KCTD13: variants seen among roughly 807,000 people sequenced by gnomAD.
The protein encoded by KCTD13 is potassium channel tetramerization domain containing 13, also known as BTB/POZ domain-containing adapter for CUL3-mediated RhoA degradation protein 1.
A neutral mutation model predicts 32.3 loss-of-function variants in KCTD13; 15 were observed. The ratio of observed to expected loss-of-function variants is 0.46; its 90% CI spans 0.31 to 0.71. The LOEUF is 0.71. Among genes scored for constraint, KCTD13 ranks in the 30% least tolerant of loss-of-function variants. KCTD13 has a pLI of 0.05. For synonymous variants in KCTD13, 189 were observed against 200.1 expected (o/e 0.94, Z 0.47); for missense variants, 337 against 452.6 (o/e 0.74, Z 2.32).
At chr16:29,915,575 C>A (rs1334971229) in intron 2 of KCTD13, among the ~76,000 whole-genome samples, 2 of 151,072 alleles carry the variant, frequency 1.3e-5, no homozygotes, top group African/African-American at 4.9e-5. Context: ...TCACTTGAAC[C>A]CAGGAGGAGG....
At chr16:29,907,777 C>A (rs1401797929) in intron 5 of KCTD13, among the ~76,000 whole-genome samples, 2 of 151,616 alleles carry the variant, frequency 1.3e-5, no homozygotes, top group Non-Finnish European at 2.9e-5. Flanking sequence ...GACAGTGAGA[C>A]CCCATCTCAA....
intron 2 of KCTD13, among the ~76,000 whole-genome samples, chr16:29,918,842 T>C (rs2068858080): frequency 6.6e-6 from 1 of 152,000 alleles, no homozygotes; most frequent in African/African-American, 2.4e-5. Flanking sequence ...GTATTTTTAG[T>C]AGATACAGGG....
intron 2 of KCTD13, chr16:29,913,971 CG>C (rs1171434359): frequency 6.6e-6 from 1 of 152,072 alleles, no homozygotes; most frequent in African/African-American, 2.4e-5. Flanking sequence ...CTGGGATTAC[CG>C]AGGTGTGCCA....
chr16:29,909,860 A>AG (rs928651482), intron 5 of KCTD13, among the ~76,000 whole-genome samples: 5 of 151,808 alleles, frequency 3.3e-5, no homozygotes, highest in Admixed American at 6.6e-5. Context: ...ACTTGAGGTC[A>AG]GGGGTTCAAT....
At chr16:29,908,978 C>G (rs904215026) in intron 5 of KCTD13, among the ~76,000 whole-genome samples, 6 of 152,050 alleles carry the variant, frequency 3.9e-5, no homozygotes, top group African/African-American at 1.5e-4. Context: ...CAGGTGTGAG[C>G]CATGCACTCT....
Position 29,911,796 on chromosome 16 carries a change from C to A in KCTD13, c.557+19G>T, listed in dbSNP as rs772341718. 12 of 1,612,020 alleles carry A rather than the reference C, an allele frequency of 7.4e-6. No individual in the cohort carries two copies. The South Asian group carries it at 1.3e-4, about 18-fold the overall frequency. Reference sequence around the variant, plus strand: ...TGCATCCCAGGGTCCCGCCCAGTGCCCCGCACCCCGGCGGTCACCTGGTGT... The same window carrying A: ...TGCATCCCAGGGTCCCGCCCAGTGCACCGCACCCCGGCGGTCACCTGGTGT... On this transcript the variant is annotated intron_variant, in intron 4 of 5. Coordinates refer to ENST00000568000, the MANE Select transcript of KCTD13 (RefSeq NM_178863.5).
intron 2 of KCTD13, among the ~76,000 whole-genome samples, chr16:29,919,044 T>C (rs1404870875): frequency 6.6e-6 from 1 of 152,206 alleles, no homozygotes; most frequent in Non-Finnish European, 1.5e-5. Flanking sequence ...TCCACCTGCC[T>C]TGGCCTCCCA....
chr16:29,917,572 G>A (rs1389164627), intron 2 of KCTD13, among the ~76,000 whole-genome samples: 1 of 152,114 alleles, frequency 6.6e-6, no homozygotes, highest in Non-Finnish European at 1.5e-5. Context: ...ACGAGGTCAG[G>A]AGTTCGAGAC....
intron 5 of KCTD13, among the ~76,000 whole-genome samples, chr16:29,910,193 A>G (rs1248614403): frequency 3.3e-5 from 5 of 151,404 alleles, no homozygotes; most frequent in African/African-American, 1.2e-4. Context: ...AGGTCAAGAG[A>G]TTGAGACCAT....
chr16:29,908,524 T>G (rs545529858), intron 5 of KCTD13, among the ~76,000 whole-genome samples: 1 of 152,164 alleles, frequency 6.6e-6, no homozygotes, highest in African/African-American at 2.4e-5. Flanking sequence ...TAGCTGGGAT[T>G]ACAGGCATGT....
At chr16:29,918,760 C>T (rs908682005) in intron 2 of KCTD13, among the ~76,000 whole-genome samples, 10 of 152,014 alleles carry the variant, frequency 6.6e-5, no homozygotes, top group Non-Finnish European at 8.8e-5. Flanking sequence ...CAGGTTCAAG[C>T]GATTCTCCTG....
chr16:29,924,648 G>A (rs1020214627), intron 1 of KCTD13, among the ~76,000 whole-genome samples: 2 of 151,032 alleles, frequency 1.3e-5, no homozygotes, highest in Admixed American at 6.6e-5. Flanking sequence ...CCATAATTTT[G>A]TCAGGTTCAT....
rs368656519 is a variant in KCTD13, at chr16:29,923,262, C to A, written c.342G>T (p.Leu114=). 3 of 1,614,106 alleles carry A rather than the reference C, an allele frequency of 1.9e-6. No homozygotes were observed. Among genetic ancestry groups the A allele is most frequent in the Non-Finnish European group, 8.5e-7 (1 of 1,180,056 alleles). The part of the protein sequence containing the change: ...SVPLPESTRE[L]GELLGEARYY... ...AGCGTGCTTCGCCCAGCAGCTCCCC[C>A]AGTTCTCTCGTACTCTCCGGCAGTG... Residue 114 remains leucine, a synonymous_variant, in exon 2 of 6, where the codon CTG becomes CTT. Coordinates refer to ENST00000568000, the MANE Select transcript of KCTD13 (RefSeq NM_178863.5).
chr16:29,912,355 G>A (rs1245025139), intron 2 of KCTD13: 1 of 476,244 alleles, frequency 2.1e-6, no homozygotes, highest in Non-Finnish European at 3.7e-6. Context: ...TCAGATCGCA[G>A]GTCACACAGT....
At chr16:29,911,263 T>G in intron 4 of KCTD13, 90 bp from the exon 5 acceptor site, 1 of 996,574 alleles carries the variant, frequency 1.0e-6, no homozygotes, top group Non-Finnish European at 1.5e-6. Flanking sequence ...TTCCCAGTCC[T>G]CTGCTCCTGC....
At position 29,906,676 on chromosome 16, in the gene KCTD13, G is replaced by A; in HGVS notation, c.*196C>T. The A allele has an allele frequency of 1.5e-6, 1 of 689,234 alleles. No individual in the cohort carries two copies. Among genetic ancestry groups the A allele is most frequent in the Non-Finnish European group, 2.7e-6 (1 of 377,288 alleles). 42.7% of individuals were successfully genotyped at this position (689,234 alleles called of 1,614,324 possible). ...GCTTCGGAAGGCTCTGAGTGGTGGG[G>A]CCGGAATGTACCATGTTGTTAGCAA... On this transcript the variant is annotated 3_prime_UTR_variant, in exon 6 of 6. Coordinates refer to ENST00000568000, the MANE Select transcript of KCTD13 (RefSeq NM_178863.5).
At chr16:29,908,204 T>C (rs2150832428) in intron 5 of KCTD13, among the ~76,000 whole-genome samples, 1 of 151,926 alleles carries the variant, frequency 6.6e-6, no homozygotes, top group Non-Finnish European at 1.5e-5. Context: ...GTGAGAGCTG[T>C]GGGTCAGGAG....
intron 2 of KCTD13, chr16:29,922,544 G>A (rs1186365680): frequency 6.5e-6 from 1 of 153,818 alleles, no homozygotes; most frequent in Non-Finnish European, 1.4e-5. Context: ...TGTGACAGAG[G>A]TGACACAGAA....
Position 29,926,183 on chromosome 16 carries a change from G to GC in KCTD13, c.-151dup. On this transcript the variant is annotated 5_prime_UTR_variant, in exon 1 of 6. It removes the in-frame stop codon of an upstream open reading frame in the 5' UTR. Coordinates refer to ENST00000568000, the MANE Select transcript of KCTD13 (RefSeq NM_178863.5). ...AGCTACTCTGCAAGACCGGCCCTCC[G>GC]CCCCATCTCGCTCGCACCACCCGGA... 2.2e-6 allele frequency: 2 copies of GC among 903,592 alleles called. No homozygotes were observed. The highest frequency in any genetic ancestry group is 3.1e-6 in the Non-Finnish European group (2 of 653,926). 56.0% of individuals were successfully genotyped at this position (903,592 alleles called of 1,614,324 possible).
Sources: gnomAD v4.1 joint callset for allele counts (sites outside exome capture counted in the v4.1 genomes callset) on GRCh38, gnomAD v4.1.1 for gene constraint, MANE v1.5 for transcripts, NCBI Gene and HGNC (gene_info 2026-07-23, HGNC 2026-07-21) for gene names.